ZNF423: variants seen among roughly 807,000 people sequenced by gnomAD.
The protein encoded by ZNF423 is Ebf-associated zinc finger protein.
In ZNF423, 12 loss-of-function variants were observed where a neutral mutation model predicts 95.8. The observed-to-expected ratio is 0.13, with a 90% CI of 0.08 to 0.20. The LOEUF (loss-of-function observed/expected upper bound fraction) is 0.20, where lower values mean the gene tolerates loss of function less well. Among genes scored for constraint, ZNF423 ranks in the 10% least tolerant of loss-of-function variants. The pLI, the probability that ZNF423 is intolerant of heterozygous loss-of-function variation, is 1.00. For missense variants in ZNF423, 1,316 were observed against 1,737.1 expected, an observed-to-expected ratio of 0.76 and a Z score of 4.31; for synonymous variants, 749 against 711.9, an observed-to-expected ratio of 1.05 and a Z score of -0.83.
chr16:49,521,403 A>G lies in ZNF423; in HGVS notation c.3849+2221T>C, dbSNP rs530700992. Among the ~76,000 whole-genome samples, 8 of 152,350 alleles carry G rather than the reference A, an allele frequency of 5.3e-5. No homozygotes were observed. In the East Asian group the frequency reaches 7.7e-4, roughly 15 times the overall value. ...GCCTATTTTGGTAGCTGGGCCACTC[A>G]GGTAAGGCAGGTAGGATAAGGCGGC... On this transcript the variant is annotated intron_variant, in intron 7 of 7. Coordinates refer to ENST00000563137, the MANE Select transcript of ZNF423 (RefSeq NM_001379286.1).
intron 1 of ZNF423, among the ~76,000 whole-genome samples, chr16:49,815,882 ATATATAT>A (rs1268583806): frequency 2.7e-4 from 11 of 40,974 alleles, no homozygotes; most frequent in Admixed American, 7.2e-4. Flanking sequence ...AAAAAAAAAA[ATATATAT>A]ATATATATAT....
chr16:49,802,350 G>C (rs1383653777), intron 1 of ZNF423, among the ~76,000 whole-genome samples: 1 of 152,076 alleles, frequency 6.6e-6, no homozygotes, highest in Non-Finnish European at 1.5e-5. Context: ...TCATCTCTTG[G>C]GTCTCCCTAA....
chr16:49,664,025 G>A lies in ZNF423; in HGVS notation c.302-25151C>T, dbSNP rs555650519. ...GGCGTTCCGGTGCAGACACCAGCCT[G>A]TTTTATTCATTCTTCCCCCTTCCAA... On this transcript the variant is annotated intron_variant, in intron 3 of 7. Transcript: ENST00000563137. 36 of 977,530 alleles carry A rather than the reference G, an allele frequency of 3.7e-5. No homozygotes were observed. The East Asian group carries it at 2.6e-3, about 71-fold the overall frequency. 60.6% of individuals were successfully genotyped at this position (977,530 alleles called of 1,614,324 possible).
intron 2 of ZNF423, among the ~76,000 whole-genome samples, chr16:49,745,636 C>T (rs984751788): frequency 2.0e-5 from 3 of 152,164 alleles, no homozygotes; most frequent in Non-Finnish European, 4.4e-5. Context: ...CCGTTCGCAG[C>T]GTGGTGCAAT....
intron 3 of ZNF423, among the ~76,000 whole-genome samples, chr16:49,725,760 A>G (rs2032995762): frequency 6.6e-6 from 1 of 152,194 alleles, no homozygotes; most frequent in Non-Finnish European, 1.5e-5. Context: ...TACAGCCTTC[A>G]CTGCAGTGTG....
At chr16:49,561,854 T>A (rs2151769889) in intron 5 of ZNF423, among the ~76,000 whole-genome samples, 1 of 152,356 alleles carries the variant, frequency 6.6e-6, no homozygotes, top group South Asian at 2.1e-4. Flanking sequence ...ACGCCAGGAT[T>A]GCGGTCGCCC....
chr16:49,626,353 T>C, intron 4 of ZNF423, 99 bp from the exon 5 acceptor site: 1 of 1,100,332 alleles, frequency 9.1e-7, no homozygotes, highest in Non-Finnish European at 1.4e-6. Flanking sequence ...CTTTCCAGAA[T>C]GGTTCCAGTC....
intron 5 of ZNF423, among the ~76,000 whole-genome samples, chr16:49,572,406 G>A (rs1217311335): frequency 6.6e-6 from 1 of 152,132 alleles, no homozygotes. Context: ...GAGATGGCAT[G>A]CACAAAAGCA....
intron 1 of ZNF423, among the ~76,000 whole-genome samples, chr16:49,841,607 T>A (rs994006187): frequency 6.6e-6 from 1 of 152,196 alleles, no homozygotes; most frequent in Admixed American, 6.5e-5. Context: ...TTCCAGGCTT[T>A]ACCTGATTCC....
At chr16:49,580,832 A>C (rs181734501) in intron 5 of ZNF423, among the ~76,000 whole-genome samples, 2 of 152,302 alleles carry the variant, frequency 1.3e-5, no homozygotes, top group African/African-American at 4.8e-5. Context: ...ACGCATTCAG[A>C]GAGCCTACAG....
At chr16:49,664,381 G>T in intron 3 of ZNF423, 1 of 754,414 alleles carries the variant, frequency 1.3e-6, no homozygotes. Context: ...AAAAGGCACA[G>T]ATGGGGAGGG....
At chr16:49,784,654 A>G (rs1357150221) in intron 2 of ZNF423, among the ~76,000 whole-genome samples, 1 of 152,212 alleles carries the variant, frequency 6.6e-6, no homozygotes, top group Non-Finnish European at 1.5e-5. Context: ...GTCTACAGAG[A>G]CAGAAAGTGG....
intron 2 of ZNF423, among the ~76,000 whole-genome samples, chr16:49,771,892 T>C (rs1195835803): frequency 6.6e-6 from 1 of 152,168 alleles, no homozygotes; most frequent in Non-Finnish European, 1.5e-5. Context: ...TCCCAAGAAC[T>C]AGAGCCTTAG....
intron 5 of ZNF423, among the ~76,000 whole-genome samples, chr16:49,566,355 C>T (rs1970189630): frequency 6.6e-6 from 1 of 152,208 alleles, no homozygotes; most frequent in Non-Finnish European, 1.5e-5. Context: ...GTCTGGGTCA[C>T]CCAACTGGGG....
chr16:49,854,097 G>A, intron 1 of ZNF423: 1 of 985,158 alleles, frequency 1.0e-6, no homozygotes, highest in African/African-American at 1.7e-5. Flanking sequence ...CTTCTTTCCC[G>A]TCCTCTTCTT....
At chr16:49,712,990 C>G (rs1237407999) in intron 3 of ZNF423, among the ~76,000 whole-genome samples, 1 of 152,256 alleles carries the variant, frequency 6.6e-6, no homozygotes, top group Non-Finnish European at 1.5e-5. Flanking sequence ...ATAACTGATT[C>G]ATGTCGCCAT....
At chr16:49,804,305 T>C (rs1487154915) in intron 1 of ZNF423, among the ~76,000 whole-genome samples, 1 of 152,216 alleles carries the variant, frequency 6.6e-6, no homozygotes, top group Non-Finnish European at 1.5e-5. Flanking sequence ...AATCCCATTT[T>C]CAGGAAGAAT....
intron 7 of ZNF423, among the ~76,000 whole-genome samples, chr16:49,516,500 CAGGTA>C (rs1226210766): frequency 6.6e-6 from 1 of 152,220 alleles, no homozygotes; most frequent in Non-Finnish European, 1.5e-5. Flanking sequence ...CCCTGCCTTA[CAGGTA>C]AGGAAACTGA....
rs1186426294 is a variant in ZNF423, at chr16:49,713,839, C to T, written c.301+16932G>A. ...GACAGAAAGTCAGTGATCAGACACG[C>T]AGGCCCAGAGAATGTGGGCGAAGAG... On this transcript the variant is annotated intron_variant, in intron 3 of 7. Transcript: ENST00000563137. Among the ~76,000 whole-genome samples, 7 of 152,340 alleles carry T rather than the reference C, an allele frequency of 4.6e-5. No individual in the cohort carries two copies. In the South Asian group the frequency reaches 1.2e-3, roughly 27 times the overall value.
Sources: allele counts gnomAD v4.1 joint callset (sites outside exome capture counted in the v4.1 genomes callset), GRCh38; gene constraint gnomAD v4.1.1; transcripts MANE v1.5; gene names NCBI Gene and HGNC (gene_info 2026-07-23, HGNC 2026-07-21).